Variants in MAPKBP1 observed in about 807,000 individuals in gnomAD.
The protein encoded by MAPKBP1 is mitogen-activated protein kinase-binding protein 1.
A neutral mutation model predicts 170.5 loss-of-function variants in MAPKBP1; 71 were observed. That is an observed-to-expected ratio of 0.42 (90% CI 0.34 to 0.51). The LOEUF (loss-of-function observed/expected upper bound fraction) is 0.51, where lower values mean the gene tolerates loss of function less well. Ranked by LOEUF, MAPKBP1 falls within the 20% of genes least tolerant of loss-of-function variation. The pLI is 0.06. For synonymous variants in MAPKBP1, 719 were observed against 757.9 expected (o/e 0.95, Z 0.84); for missense variants, 1,598 against 1,933.0 (o/e 0.83, Z 3.25).
At chr15:41,811,644 CAGAAAT>C (rs1232633356) in intron 5 of MAPKBP1, 1 of 625,190 alleles carries the variant, frequency 1.6e-6, no homozygotes, top group African/African-American at 1.8e-5. Flanking sequence ...TTACTAGGGG[CAGAAAT>C]AGACCTGAGT....
intron 3 of MAPKBP1, 136 bp from the exon 4 acceptor site, chr15:41,810,746 GA>G: frequency 1.7e-6 from 1 of 591,650 alleles, no homozygotes. Context: ...AAAAGAAAAG[GA>G]AAAAAACAGT....
chr15:41,818,415 C>A lies in MAPKBP1; in HGVS notation c.2093-104C>A, dbSNP rs1276599236. The A allele has an allele frequency of 1.4e-6, 2 of 1,402,502 alleles. No homozygotes were observed. Among genetic ancestry groups the A allele is most frequent in the African/African-American group, 2.8e-5 (2 of 70,734 alleles). 86.9% of individuals were successfully genotyped at this position (1,402,502 alleles called of 1,614,324 possible). On this transcript the variant is annotated intron_variant, in intron 18 of 30. Coordinates refer to ENST00000457542, the MANE Select transcript of MAPKBP1 (RefSeq NM_014994.3). This position sits in a 1 kb window ranked among gnomAD's most constrained non-coding sequence, Gnocchi z 5.2. The stretch of plus-strand genomic sequence containing the variant: ...TAGTTTCTTGGGACCCGCAGAGCTA[C>A]CTATCCCTACCCTGCAGCCAACCCC...
At chr15:41,774,672 A>T in intron 1 of MAPKBP1, 62 bp downstream of exon 1, 1 of 398,702 alleles carries the variant, frequency 2.5e-6, no homozygotes, top group East Asian at 3.6e-5. Context: ...CGGGTGAAAG[A>T]TAAAGGTCCA....
intron 2 of MAPKBP1, among the ~76,000 whole-genome samples, chr15:41,791,380 T>G (rs1353926391): frequency 6.6e-6 from 1 of 152,202 alleles, no homozygotes; most frequent in Non-Finnish European, 1.5e-5. Context: ...GCCACTCCCG[T>G]GCCATTGCAG....
chr15:41,819,793 C>T (rs1257361441), intron 22 of MAPKBP1, 143 bp downstream of exon 22: 21 of 858,754 alleles, frequency 2.4e-5, no homozygotes, highest in Middle Eastern at 2.9e-4. Context: ...AAGGCCTTGT[C>T]GGGGAAGTTG....
intron 2 of MAPKBP1, among the ~76,000 whole-genome samples, chr15:41,791,820 T>C (rs2064400907): frequency 6.6e-6 from 1 of 152,044 alleles, no homozygotes; most frequent in African/African-American, 2.4e-5. Flanking sequence ...TTCTCCATGC[T>C]CTAAAAATAG....
chr15:41,786,774 A>AT (rs2064300392), intron 2 of MAPKBP1, among the ~76,000 whole-genome samples: 2 of 92,384 alleles, frequency 2.2e-5, no homozygotes, highest in East Asian at 7.2e-4. Context: ...AAAAAAAAAA[A>AT]AAAATATATA....
intron 24 of MAPKBP1, 76 bp from the exon 25 acceptor site, chr15:41,821,889 C>A: frequency 1.9e-6 from 3 of 1,572,310 alleles, no homozygotes; most frequent in East Asian, 2.3e-5. Context: ...TCACCCTGAT[C>A]ACAGGCAGGA....
chr15:41,818,979 G>A lies in MAPKBP1; in HGVS notation c.2291+22G>A. The A allele has an allele frequency of 6.2e-7, 1 of 1,611,742 alleles. No homozygotes were observed. Among genetic ancestry groups the A allele is most frequent in the Non-Finnish European group, 8.5e-7 (1 of 1,178,282 alleles). ...ACCGGTGAGAACAGAATGTGGGCAA[G>A]TGATGGGTGGGTGTGCAGATGGCTT... On this transcript the variant is annotated intron_variant, in intron 20 of 30. Coordinates refer to ENST00000457542, the MANE Select transcript of MAPKBP1 (RefSeq NM_014994.3). This position sits in a 1 kb window ranked among gnomAD's most constrained non-coding sequence, Gnocchi z 5.2.
At chr15:41,775,137 G>A (rs1418715931) in intron 1 of MAPKBP1, 30 bp from the exon 2 acceptor site, 1 of 652,532 alleles carries the variant, frequency 1.5e-6, no homozygotes, top group Non-Finnish European at 2.7e-6. Flanking sequence ...GTAAGACACT[G>A]TGATACTAAG....
intron 2 of MAPKBP1, among the ~76,000 whole-genome samples, chr15:41,793,936 A>G (rs1413289659): frequency 6.6e-6 from 1 of 152,192 alleles, no homozygotes; most frequent in African/African-American, 2.4e-5. Flanking sequence ...ACTTAAATAC[A>G]AACACAGATA....
chr15:41,812,451 C>G, intron 6 of MAPKBP1, 65 bp from the exon 7 acceptor site: 2 of 1,597,018 alleles, frequency 1.3e-6, no homozygotes, highest in Non-Finnish European at 1.7e-6. Flanking sequence ...CCTCCATTCT[C>G]TGAGTCACTG....
intron 3 of MAPKBP1, among the ~76,000 whole-genome samples, chr15:41,807,107 C>G (rs1303092258): frequency 1.3e-5 from 2 of 152,218 alleles, no homozygotes; most frequent in Admixed American, 6.5e-5. Flanking sequence ...CTTAGCTCTT[C>G]CATGGCACAC....
At chr15:41,819,224 C>T (rs773303638) in intron 20 of MAPKBP1, 22 bp from the exon 21 acceptor site, 121 of 1,612,170 alleles carry the variant, frequency 7.5e-5, no homozygotes, top group Non-Finnish European at 1.0e-4. Flanking sequence ...TCTCCCCATG[C>T]CCTTCCTTGT....
chr15:41,798,287 T>C (rs1030832768), intron 2 of MAPKBP1, among the ~76,000 whole-genome samples: 59 of 147,910 alleles, frequency 4.0e-4, no homozygotes, highest in African/African-American at 1.4e-3. Context: ...ACAGGTTCTC[T>C]AGGAGTACTT....
chr15:41,800,306 C>T (rs1386584853), intron 3 of MAPKBP1, among the ~76,000 whole-genome samples: 2 of 152,148 alleles, frequency 1.3e-5, no homozygotes, highest in African/African-American at 4.8e-5. Context: ...GAGTTGTGCA[C>T]CCATCACCAC....
rs2065075003 is a variant in MAPKBP1, at chr15:41,825,441, T to C, written c.*5T>C. On this transcript the variant is annotated 3_prime_UTR_variant, in exon 31 of 31. Coordinates refer to ENST00000457542, the MANE Select transcript of MAPKBP1 (RefSeq NM_014994.3). ...CGTATGGAACGCAAACTCTGAGTTC[T>C]GGAAGCCTGTCCCAAGTGAATGAAT... The C allele has an allele frequency of 1.9e-6, 3 of 1,593,998 alleles. No individual in the cohort carries two copies. Among genetic ancestry groups the C allele is most frequent in the East Asian group, 2.3e-5 (1 of 44,270 alleles).
intron 30 of MAPKBP1, 168 bp from the exon 31 acceptor site, chr15:41,825,041 C>T (rs2065066773): frequency 1.7e-6 from 1 of 591,978 alleles, no homozygotes. Flanking sequence ...TTGGGCGTCA[C>T]CCCCAGAGTC....
chr15:41,814,847 CCT>C, intron 10 of MAPKBP1, 108 bp downstream of exon 10: 1 of 1,365,720 alleles, frequency 7.3e-7, no homozygotes. Flanking sequence ...CTGCTGCCTC[CCT>C]GTTTCTCCAG....
Sources: gnomAD v4.1 joint callset for allele counts (sites outside exome capture counted in the v4.1 genomes callset) on GRCh38, gnomAD v4.1.1 for gene constraint, Gnocchi (gnomAD v3.1) non-coding constraint, MANE v1.5 for transcripts, NCBI Gene and HGNC (gene_info 2026-07-23, HGNC 2026-07-21) for gene names.